PRKN: variants seen among roughly 807,000 people sequenced by gnomAD.
The protein encoded by PRKN is parkin RBR E3 ubiquitin protein ligase, also known as E3 ubiquitin-protein ligase parkin.
A neutral mutation model predicts 59.5 loss-of-function variants in PRKN; 56 were observed. The ratio of observed to expected loss-of-function variants is 0.94; its 90% CI spans 0.76 to 1.18. PRKN has a LOEUF of 1.18. Ranked by LOEUF, PRKN falls within the 50% of genes most tolerant of loss-of-function variation. PRKN has a pLI of 0.00. For synonymous variants in PRKN, 250 were observed against 222.1 expected (o/e 1.13, Z -1.12); for missense variants, 657 against 596.4 (o/e 1.10, Z -1.06).
intron 5 of PRKN, among the ~76,000 whole-genome samples, chr6:162,037,373 A>G (rs769634550): frequency 5.3e-5 from 8 of 152,216 alleles, no homozygotes; most frequent in Non-Finnish European, 1.2e-4. Context: ...TAAAAGATGC[A>G]AGTTATAAAA....
chr6:162,329,935 C>G (rs1272554859), intron 2 of PRKN, among the ~76,000 whole-genome samples: 1 of 152,100 alleles, frequency 6.6e-6, no homozygotes, highest in Non-Finnish European at 1.5e-5. Flanking sequence ...AAACGGTATC[C>G]AATCTACAAC....
intron 1 of PRKN, among the ~76,000 whole-genome samples, chr6:162,453,833 G>A (rs190839917): frequency 6.6e-6 from 1 of 152,266 alleles, no homozygotes; most frequent in Non-Finnish European, 1.5e-5. Context: ...AACCCAGGAG[G>A]TGGAGGTTGC....
intron 4 of PRKN, among the ~76,000 whole-genome samples, chr6:162,185,805 C>T (rs751317494): frequency 1.5e-4 from 23 of 152,040 alleles, no homozygotes; most frequent in Non-Finnish European, 2.9e-4. Flanking sequence ...AATATAAGAA[C>T]ATCTTAGAAG....
intron 6 of PRKN, among the ~76,000 whole-genome samples, chr6:161,832,240 C>A (rs1449122712): frequency 6.6e-6 from 1 of 152,118 alleles, no homozygotes; most frequent in African/African-American, 2.4e-5. Flanking sequence ...TTTATGGGGA[C>A]CCATAGAACC....
At position 162,424,737 on chromosome 6, in the gene PRKN, AG is replaced by A. The variant is rs1789143056; in HGVS notation, c.171+18572del. Among the ~76,000 whole-genome samples, 7 of 150,908 alleles carry A rather than the reference AG, an allele frequency of 4.6e-5. No individual in the cohort carries two copies. The South Asian group carries it at 1.5e-3, about 31-fold the overall frequency. On this transcript the variant is annotated intron_variant, in intron 2 of 11. Coordinates refer to ENST00000366898, the MANE Select transcript of PRKN (RefSeq NM_004562.3). ...GTGACAGAGCAAGACTCTGTCTCAAAGAAAAAAAAAAAAAAGAAAAGAAAAG... is the reference window on the plus strand; with the variant it reads ...GTGACAGAGCAAGACTCTGTCTCAAAAAAAAAAAAAAAAAGAAAAGAAAAG...
chr6:162,475,970 T>TCGA (rs10660801), intron 1 of PRKN, among the ~76,000 whole-genome samples: 46,593 of 150,950 alleles, frequency 0.31, 7,409 homozygotes, highest in East Asian at 0.48. Flanking sequence ...CAGGATGGTC[T>TCGA]TGTTCTCACC....
chr6:161,750,142 C>CACACATAT (rs765990689), intron 7 of PRKN, among the ~76,000 whole-genome samples: 1,563 of 136,972 alleles, frequency 0.011, 16 homozygotes, highest in Middle Eastern at 0.05. Context: ...CACACACACA[C>CACACATAT]ATATATAAAT....
chr6:161,436,618 G>A (rs762283931), intron 9 of PRKN, among the ~76,000 whole-genome samples: 24 of 152,032 alleles, frequency 1.6e-4, no homozygotes, highest in Non-Finnish European at 3.5e-4. Flanking sequence ...GGATGGGAGA[G>A]AAAGAGAGAA....
chr6:161,658,123 T>C (rs1297181655), intron 7 of PRKN, among the ~76,000 whole-genome samples: 2 of 152,112 alleles, frequency 1.3e-5, no homozygotes, highest in Non-Finnish European at 2.9e-5. Context: ...TGTAGAGTTT[T>C]CTTATTTCCA....
At chr6:162,722,985 C>G (rs1778991851) in intron 1 of PRKN, among the ~76,000 whole-genome samples, 1 of 152,160 alleles carries the variant, frequency 6.6e-6, no homozygotes, top group South Asian at 2.1e-4. Context: ...GGTACTTAGG[C>G]ATAGAGCTGG....
intron 5 of PRKN, among the ~76,000 whole-genome samples, chr6:162,037,695 C>T (rs1016017816): frequency 1.4e-4 from 22 of 151,930 alleles, no homozygotes; most frequent in Non-Finnish European, 2.5e-4. Context: ...TACAGGCACA[C>T]GCCACCACAC....
chr6:162,352,284 A>G (rs1344166785), intron 2 of PRKN, among the ~76,000 whole-genome samples: 2 of 152,194 alleles, frequency 1.3e-5, no homozygotes, highest in Non-Finnish European at 2.9e-5. Context: ...CACGTAGTCT[A>G]TGAAGCAGAA....
At chr6:161,933,243 C>T (rs1779231808) in intron 6 of PRKN, among the ~76,000 whole-genome samples, 1 of 152,086 alleles carries the variant, frequency 6.6e-6, no homozygotes, top group Admixed American at 6.6e-5. Flanking sequence ...TCAGCCACTG[C>T]ACTCCAGCCT....
At chr6:162,049,416 G>A (rs544024371) in intron 5 of PRKN, among the ~76,000 whole-genome samples, 91 of 152,230 alleles carry the variant, frequency 6.0e-4, no homozygotes, top group African/African-American at 2.1e-3. Flanking sequence ...AAGAGAGAGT[G>A]AAAGAGTTGA....
At position 161,502,022 on chromosome 6, in the gene PRKN, T is replaced by A. The variant is rs1363111960; in HGVS notation, c.1083+46832A>T. 6.6e-6 allele frequency among the ~76,000 whole-genome samples: 1 copy of A among 152,206 alleles called. No homozygotes were observed. The highest frequency in any genetic ancestry group is 2.4e-5 in the African/African-American group (1 of 41,446). On this transcript the variant is annotated intron_variant, in intron 9 of 11. Coordinates refer to ENST00000366898, the MANE Select transcript of PRKN (RefSeq NM_004562.3). This position sits in a 1 kb window ranked among gnomAD's most constrained non-coding sequence, Gnocchi z 4.0. ...AGAGAAAGTCTGCATGTCTTAGTTA[T>A]CAGCCATGTGAGAAGGAATACCTGG...
chr6:162,058,957 GAAA>G (rs553927046), intron 4 of PRKN, among the ~76,000 whole-genome samples: 5 of 87,272 alleles, frequency 5.7e-5, no homozygotes, highest in African/African-American at 1.1e-4. Context: ...GCCTCAACAA[GAAA>G]AAAAAAAAAA....
At chr6:162,043,855 G>A (rs1784155068) in intron 5 of PRKN, among the ~76,000 whole-genome samples, 1 of 152,206 alleles carries the variant, frequency 6.6e-6, no homozygotes, top group African/African-American at 2.4e-5. Flanking sequence ...TGCTGATAAA[G>A]ATAGAATTTC....
chr6:161,961,987 A>G (rs1236270270), intron 6 of PRKN, among the ~76,000 whole-genome samples: 1 of 152,186 alleles, frequency 6.6e-6, no homozygotes, highest in Non-Finnish European at 1.5e-5. Flanking sequence ...GATACAGCAC[A>G]TGAGGTCATG....
chr6:162,553,133 A>T (rs1246747827), intron 1 of PRKN, among the ~76,000 whole-genome samples: 1 of 152,132 alleles, frequency 6.6e-6, no homozygotes, highest in Non-Finnish European at 1.5e-5. Flanking sequence ...CTCTTACAAC[A>T]CAATGTGCAT....
Sources: gnomAD v4.1 joint callset for allele counts (sites outside exome capture counted in the v4.1 genomes callset) on GRCh38, gnomAD v4.1.1 for gene constraint, Gnocchi (gnomAD v3.1) non-coding constraint, MANE v1.5 for transcripts, NCBI Gene and HGNC (gene_info 2026-07-23, HGNC 2026-07-21) for gene names.